Variants in AFG2A observed in about 807,000 individuals in gnomAD.
The protein encoded by AFG2A is AAA ATPase AFG2A.
the AFG2A span, among the ~76,000 whole-genome samples, chr4:123,120,954 G>A: frequency 6.6e-6 from 1 of 151,986 alleles, no homozygotes; most frequent in Non-Finnish European, 1.5e-5. Context: ...CATAAAGAAG[G>A]CCTTGTAAAC....
chr4:123,177,832 G>T, the AFG2A span, among the ~76,000 whole-genome samples: 1 of 152,114 alleles, frequency 6.6e-6, no homozygotes, highest in East Asian at 1.9e-4. Flanking sequence ...CCGCATGGCC[G>T]CATAGGGGAC....
At chr4:123,083,386 T>G in the AFG2A span, among the ~76,000 whole-genome samples, 3 of 142,576 alleles carry the variant, frequency 2.1e-5, no homozygotes, top group African/African-American at 7.8e-5. Context: ...AATATTTTCT[T>G]CATCTATTTA....
the AFG2A span, among the ~76,000 whole-genome samples, chr4:123,083,579 T>C: frequency 1.3e-5 from 2 of 151,358 alleles, no homozygotes; most frequent in African/African-American, 4.8e-5. Flanking sequence ...TTTTTCTTTT[T>C]TTTTTAAGAG....
At chr4:123,184,186 C>T in the AFG2A span, among the ~76,000 whole-genome samples, 6 of 152,058 alleles carry the variant, frequency 3.9e-5, no homozygotes, top group East Asian at 7.7e-4. Context: ...TTGATTTTAG[C>T]GAACATTTAG....
At chr4:123,221,667 G>A in the AFG2A span, among the ~76,000 whole-genome samples, 1 of 152,206 alleles carries the variant, frequency 6.6e-6, no homozygotes, top group African/African-American at 2.4e-5. Flanking sequence ...GCTCACACTT[G>A]TAATCCTAGC....
chr4:123,283,349 G>GA, the AFG2A span, among the ~76,000 whole-genome samples: 34 of 96,804 alleles, frequency 3.5e-4, no homozygotes, highest in East Asian at 1.5e-3. Context: ...GACCCGGTAG[G>GA]AAAAAAAAAA....
At chr4:123,149,187 G>C in the AFG2A span, among the ~76,000 whole-genome samples, 1 of 152,142 alleles carries the variant, frequency 6.6e-6, no homozygotes, top group Non-Finnish European at 1.5e-5. Context: ...GAGAAATCAA[G>C]AATCAGGTGA....
chr4:122,948,736 T>G, the AFG2A span, among the ~76,000 whole-genome samples: 1 of 152,114 alleles, frequency 6.6e-6, no homozygotes, highest in Admixed American at 6.6e-5. Flanking sequence ...AGCATGCAGC[T>G]TGTATAGCAT....
chr4:123,224,573 G>A, the AFG2A span, among the ~76,000 whole-genome samples: 1 of 152,184 alleles, frequency 6.6e-6, no homozygotes, highest in African/African-American at 2.4e-5. Flanking sequence ...GTATTCCATG[G>A]TGAATATGTG....
At chr4:122,982,661 C>T in the AFG2A span, among the ~76,000 whole-genome samples, 1 of 151,990 alleles carries the variant, frequency 6.6e-6, no homozygotes, top group African/African-American at 2.4e-5. Flanking sequence ...GTTTATTCCC[C>T]TCACTCATTA....
At chr4:123,167,339 C>CT in the AFG2A span, among the ~76,000 whole-genome samples, 13 of 150,978 alleles carry the variant, frequency 8.6e-5, no homozygotes, top group African/African-American at 1.7e-4. Flanking sequence ...AGCTGTGTTT[C>CT]TTTTTTTTGT....
the AFG2A span, among the ~76,000 whole-genome samples, chr4:123,242,615 C>G: frequency 1.3e-5 from 2 of 152,178 alleles, no homozygotes; most frequent in African/African-American, 4.8e-5. Context: ...GTATTAAAGA[C>G]TTAAATGTAA....
the AFG2A span, chr4:123,256,173 G>T: frequency 6.2e-7 from 1 of 1,614,076 alleles, no homozygotes. Context: ...GCATACTCAG[G>T]AGCAGAGGTA....
the AFG2A span, among the ~76,000 whole-genome samples, chr4:123,311,256 C>T: frequency 6.6e-6 from 1 of 152,094 alleles, no homozygotes; most frequent in African/African-American, 2.4e-5. Flanking sequence ...ACTTCTCTGA[C>T]CATAACTGAT....
At chr4:123,316,634 A>C in the AFG2A span, 1 of 152,324 alleles carries the variant, frequency 6.6e-6, no homozygotes, top group Non-Finnish European at 1.5e-5. Context: ...AAGAAATCTC[A>C]TTCCCAATAG....
chr4:123,015,804 T>C, the AFG2A span, among the ~76,000 whole-genome samples: 4 of 75,776 alleles, frequency 5.3e-5, no homozygotes, highest in African/African-American at 1.4e-4. Context: ...GCGGCTCGGG[T>C]GGGGGGCTGA....
At chr4:123,296,979 C>T in the AFG2A span, among the ~76,000 whole-genome samples, 1 of 152,114 alleles carries the variant, frequency 6.6e-6, no homozygotes, top group Non-Finnish European at 1.5e-5. Context: ...CTCATTCTTC[C>T]CCTCCAACAC....
chr4:123,306,560 C>CT, the AFG2A span, among the ~76,000 whole-genome samples: 112 of 146,532 alleles, frequency 7.6e-4, no homozygotes, highest in Non-Finnish European at 9.6e-4. Context: ...ATTTTTTTTT[C>CT]TTTTTTTTTT....
the AFG2A span, among the ~76,000 whole-genome samples, chr4:123,180,596 A>G: frequency 6.6e-6 from 1 of 152,220 alleles, no homozygotes; most frequent in Non-Finnish European, 1.5e-5. Flanking sequence ...CATTGTAGAC[A>G]AATATTAAAA....
Sources: gnomAD v4.1 joint callset for allele counts (sites outside exome capture counted in the v4.1 genomes callset) on GRCh38, gnomAD v4.1.1 for gene constraint, MANE v1.5 for transcripts, NCBI Gene and HGNC (gene_info 2026-07-23, HGNC 2026-07-21) for gene names.